CNTN5: variants seen among roughly 807,000 people sequenced by gnomAD.
The protein encoded by CNTN5 is contactin 5, also known as contactin-5.
A neutral mutation model predicts 129.1 loss-of-function variants in CNTN5; 77 were observed. The observed-to-expected ratio is 0.60, with a 90% CI of 0.50 to 0.72. CNTN5 has a LOEUF of 0.72. Among genes scored for constraint, CNTN5 ranks in the 30% least tolerant of loss-of-function variants. The pLI is 0.00. For synonymous variants in CNTN5, 509 were observed against 465.6 expected, an observed-to-expected ratio of 1.09 and a Z score of -1.20; for missense variants, 1,478 against 1,328.8, an observed-to-expected ratio of 1.11 and a Z score of -1.75.
rs906007696 is a variant in CNTN5, at chr11:99,656,925, T to G, written c.55+100656T>G. ...TGTAGAAGTACAGGAGTTCAGTATCTAATTTAACCCAGACATTTTGAAAAA... is the reference window on the plus strand; with the variant it reads ...TGTAGAAGTACAGGAGTTCAGTATCGAATTTAACCCAGACATTTTGAAAAA... On this transcript the variant is annotated intron_variant, in intron 3 of 24. Coordinates refer to ENST00000524871, the MANE Select transcript of CNTN5 (RefSeq NM_014361.4). 3.7e-5 allele frequency among the ~76,000 whole-genome samples: 5 copies of G among 135,696 alleles called. No homozygotes were observed. The East Asian group carries it at 6.5e-4, about 18-fold the overall frequency. 89.0% of individuals were successfully genotyped at this position (135,696 alleles called of 152,430 possible).
At chr11:99,724,577 G>A (rs1053016004) in intron 3 of CNTN5, among the ~76,000 whole-genome samples, 1 of 152,152 alleles carries the variant, frequency 6.6e-6, no homozygotes, top group African/African-American at 2.4e-5. Flanking sequence ...AATTTAGAAT[G>A]AGAAAGCGAA....
chr11:99,335,594 T>C (rs962189029), intron 2 of CNTN5, among the ~76,000 whole-genome samples: 2 of 151,892 alleles, frequency 1.3e-5, no homozygotes, highest in Admixed American at 6.6e-5. Context: ...CACATGCAAG[T>C]ATATGGAGCT....
chr11:99,200,378 C>T (rs1392693361), intron 1 of CNTN5, among the ~76,000 whole-genome samples: 2 of 152,106 alleles, frequency 1.3e-5, no homozygotes, highest in African/African-American at 4.8e-5. Flanking sequence ...ATGATCTTTT[C>T]GTATAAATCA....
chr11:100,032,675 GT>G (rs1203951840), intron 9 of CNTN5, among the ~76,000 whole-genome samples: 1 of 151,978 alleles, frequency 6.6e-6, no homozygotes, highest in East Asian at 1.9e-4. Context: ...TCATAATGTC[GT>G]TTTTAAACAC....
intron 1 of CNTN5, among the ~76,000 whole-genome samples, chr11:99,207,654 G>A (rs1003340373): frequency 1.3e-4 from 20 of 152,094 alleles, no homozygotes; most frequent in African/African-American, 4.8e-4. Context: ...ATACTCTGAA[G>A]TGTTTAAAGA....
At chr11:99,920,447 C>T (rs750012206) in intron 7 of CNTN5, among the ~76,000 whole-genome samples, 4 of 152,112 alleles carry the variant, frequency 2.6e-5, no homozygotes, top group Non-Finnish European at 5.9e-5. Flanking sequence ...TATGTATATC[C>T]AACTGCCTAT....
intron 1 of CNTN5, among the ~76,000 whole-genome samples, chr11:99,069,866 T>C (rs1324150435): frequency 6.6e-6 from 1 of 152,230 alleles, no homozygotes; most frequent in East Asian, 1.9e-4. Context: ...GTGCTACTGC[T>C]TATTGCAGTG....
At chr11:99,765,390 G>A (rs1487043758) in intron 3 of CNTN5, among the ~76,000 whole-genome samples, 3 of 151,582 alleles carry the variant, frequency 2.0e-5, no homozygotes, top group East Asian at 1.9e-4. Flanking sequence ...CACATACTGA[G>A]TATGAGATTT....
chr11:100,094,767 A>C (rs200616610), intron 13 of CNTN5, among the ~76,000 whole-genome samples: 1 of 79,846 alleles, frequency 1.3e-5, no homozygotes, highest in Non-Finnish European at 2.4e-5. Flanking sequence ...GAGGGAGGAA[A>C]GGAAGGAAGG....
chr11:100,228,720 T>C (rs546394961), intron 16 of CNTN5, among the ~76,000 whole-genome samples: 82 of 152,308 alleles, frequency 5.4e-4, no homozygotes, highest in African/African-American at 1.9e-3. Flanking sequence ...AGTGGAGAGA[T>C]GAGGAAGCTG....
At position 99,900,832 on chromosome 11, in the gene CNTN5, A is replaced by G. The variant is rs543972457; in HGVS notation, c.578-15222A>G. The stretch of plus-strand genomic sequence containing the variant: ...TTAGCTAGTTGTTTTGGAGTTTCAA[A>G]TAATTTATTTACATCTTAATACTCC... On this transcript the variant is annotated intron_variant, in intron 6 of 24. Coordinates refer to ENST00000524871, the MANE Select transcript of CNTN5 (RefSeq NM_014361.4). 2.6e-5 allele frequency among the ~76,000 whole-genome samples: 4 copies of G among 151,684 alleles called. No individual in the cohort carries two copies. The East Asian group carries it at 7.8e-4, about 30-fold the overall frequency.
At chr11:99,334,199 G>T (rs1273795954) in intron 2 of CNTN5, among the ~76,000 whole-genome samples, 1 of 152,000 alleles carries the variant, frequency 6.6e-6, no homozygotes, top group Admixed American at 6.6e-5. Flanking sequence ...AAATTTTATT[G>T]TCTGGCTTCA....
chr11:99,034,637 G>C (rs1863608403), intron 1 of CNTN5, among the ~76,000 whole-genome samples: 1 of 150,626 alleles, frequency 6.6e-6, no homozygotes, highest in Non-Finnish European at 1.5e-5. Context: ...ATTTTTTATT[G>C]CGTCTATTTG....
chr11:99,222,573 A>G (rs1860452488), intron 1 of CNTN5, among the ~76,000 whole-genome samples: 1 of 152,144 alleles, frequency 6.6e-6, no homozygotes, highest in Non-Finnish European at 1.5e-5. Context: ...TATTACATTT[A>G]TAAGTCAAAG....
chr11:99,536,844 G>C lies in CNTN5; in HGVS notation c.-70-19301G>C, dbSNP rs368234413. Among the ~76,000 whole-genome samples the C allele has an allele frequency of 3.8e-3, 417 of 109,474 alleles. 3 individuals carry two copies. Among genetic ancestry groups the C allele is most frequent in the African/African-American group, 0.014 (402 of 28,416 alleles). The allele number at this position is 109,474 out of a possible 152,430, so 71.8% of individuals were successfully genotyped here. A position where few individuals can be genotyped will look rare whatever the true frequency, so the allele number is the denominator to read the frequency against. On this transcript the variant is annotated intron_variant, in intron 2 of 24. Transcript: ENST00000524871. ...CAGATATGTAATTTTAAATTTTCTA[G>C]TAGTCACATTAAAAAAAAAAAAAAG...
chr11:100,236,512 G>A (rs1342745623), intron 16 of CNTN5, among the ~76,000 whole-genome samples: 1 of 152,098 alleles, frequency 6.6e-6, no homozygotes, highest in Non-Finnish European at 1.5e-5. Context: ...GAGTGACTTT[G>A]GTCTTTACTA....
intron 8 of CNTN5, 73 bp from the exon 9 acceptor site, chr11:100,001,961 T>C: frequency 1.9e-6 from 2 of 1,056,828 alleles, no homozygotes; most frequent in South Asian, 3.1e-5. Context: ...TGATTTTCAA[T>C]GTAACATCTC....
At chr11:99,149,131 A>C (rs1469175858) in intron 1 of CNTN5, among the ~76,000 whole-genome samples, 1 of 152,194 alleles carries the variant, frequency 6.6e-6, no homozygotes, top group African/African-American at 2.4e-5. Context: ...TTAACAAATA[A>C]GGATGAACAT....
At chr11:99,271,656 T>C (rs1863176905) in intron 1 of CNTN5, among the ~76,000 whole-genome samples, 1 of 151,824 alleles carries the variant, frequency 6.6e-6, no homozygotes, top group African/African-American at 2.4e-5. Context: ...GCTGGGGCTG[T>C]AGTGATCCAA....
Sources: allele counts gnomAD v4.1 joint callset (sites outside exome capture counted in the v4.1 genomes callset), GRCh38; gene constraint gnomAD v4.1.1; transcripts MANE v1.5; gene names NCBI Gene and HGNC (gene_info 2026-07-23, HGNC 2026-07-21).